Variants in RNF138 observed in about 807,000 individuals in gnomAD.
RNF138 encodes E3 ubiquitin-protein ligase RNF138.
RNF138 carries 12 observed loss-of-function variants against 31.0 expected under a neutral mutation model. The observed-to-expected ratio is 0.39, with a 90% confidence interval of 0.25 to 0.63. The LOEUF is 0.63. RNF138 is among the 20% of genes least tolerant of loss of function. The pLI, the probability that RNF138 is intolerant of heterozygous loss-of-function variation, is 0.52. For missense variants in RNF138, 192 were observed against 300.1 expected (o/e 0.64, Z 2.66); for synonymous variants, 105 against 99.5 (o/e 1.06, Z -0.33).
In RNF138 at chr18:32,129,273, A is replaced by G; in HGVS notation, c.*86A>G. 1 of 831,424 alleles carries G rather than the reference A, an allele frequency of 1.2e-6. No individual in the cohort carries two copies. The highest frequency in any genetic ancestry group is 2.0e-6 in the Non-Finnish European group (1 of 491,888). 51.5% of individuals were successfully genotyped at this position (831,424 alleles called of 1,614,324 possible). A position where few individuals can be genotyped will look rare whatever the true frequency, so the allele number is the denominator to read the frequency against. On this transcript the variant is annotated 3_prime_UTR_variant, in exon 8 of 8. Transcript: ENST00000261593. ...ATGAAGTCACCGTTACAGTAACTTG[A>G]TGTGTATATTAATAAAAGTAATTCA...
At chr18:32,117,130 G>A (rs981115202) in intron 4 of RNF138, among the ~76,000 whole-genome samples, 4 of 151,892 alleles carry the variant, frequency 2.6e-5, no homozygotes, top group Non-Finnish European at 4.4e-5. Flanking sequence ...TCGAACTCCT[G>A]ACCTCAGGTG....
At chr18:32,124,958 A>G (rs1429316085) in intron 6 of RNF138, 113 bp downstream of exon 6, 1 of 621,974 alleles carries the variant, frequency 1.6e-6, no homozygotes, top group Non-Finnish European at 2.9e-6. Flanking sequence ...TTGGGGCATT[A>G]TCAGTAAGGT....
intron 2 of RNF138, among the ~76,000 whole-genome samples, chr18:32,103,800 A>T (rs1242304389): frequency 1.3e-5 from 2 of 151,664 alleles, no homozygotes; most frequent in African/African-American, 4.8e-5. Flanking sequence ...CATCTCTACT[A>T]AAAATACAAA....
intron 4 of RNF138, among the ~76,000 whole-genome samples, chr18:32,116,947 G>T (rs931262197): frequency 7.2e-5 from 11 of 151,912 alleles, no homozygotes; most frequent in African/African-American, 2.7e-4. Context: ...CGTCTCCCAG[G>T]CTGGAGTGCA....
At chr18:32,121,954 C>T (rs926894944) in intron 4 of RNF138, among the ~76,000 whole-genome samples, 3 of 152,022 alleles carry the variant, frequency 2.0e-5, no homozygotes, top group Non-Finnish European at 2.9e-5. Context: ...CTGCAACCTC[C>T]GCCTTCCGGT....
At chr18:32,127,447 C>T (rs2040401461) in intron 7 of RNF138, among the ~76,000 whole-genome samples, 1 of 152,016 alleles carries the variant, frequency 6.6e-6, no homozygotes, top group South Asian at 2.1e-4. Context: ...AAGATTAGTC[C>T]TGACAAAGAA....
intron 2 of RNF138, among the ~76,000 whole-genome samples, chr18:32,111,535 CTT>C (rs1175618075): frequency 2.6e-5 from 4 of 152,132 alleles, no homozygotes; most frequent in African/African-American, 9.7e-5. Flanking sequence ...GTAAAGCAGA[CTT>C]GAGTGTAATT....
intron 4 of RNF138, among the ~76,000 whole-genome samples, chr18:32,117,426 A>G (rs1329925592): frequency 8.5e-5 from 13 of 152,196 alleles, no homozygotes; most frequent in Admixed American, 7.9e-4. Context: ...GAGGAAATAG[A>G]TAACAGAACC....
rs1458688116 is a variant in RNF138, at chr18:32,111,731, A to T, written c.111-23A>T. The T allele has an allele frequency of 3.8e-6, 6 of 1,590,472 alleles. No homozygotes were observed. The Admixed American group carries it at 5.5e-5, about 15-fold the overall frequency. ...AAGAGAGTAATTTTTTTTGTAATTA[A>T]TGTGTCACAATGTTTGGTTTAGTTT... On this transcript the variant is annotated intron_variant, in intron 2 of 7. Coordinates refer to ENST00000261593, the MANE Select transcript of RNF138 (RefSeq NM_016271.5).
chr18:32,094,734 A>AGGGAGGGAGGAGAGCAAGGT (rs1449272118), intron 2 of RNF138, among the ~76,000 whole-genome samples: 1 of 152,190 alleles, frequency 6.6e-6, no homozygotes, highest in African/African-American at 2.4e-5. Context: ...GGTAGATAAA[A>AGGGAGGGAGGAGAGCAAGGT]GGGAGGGAGG....
At position 32,092,764 on chromosome 18, in the gene RNF138, C is replaced by A; in HGVS notation, c.-13C>A. 6.5e-7 allele frequency: 1 copy of A among 1,535,082 alleles called. No homozygotes were observed. Among genetic ancestry groups the A allele is most frequent in the Non-Finnish European group, 8.8e-7 (1 of 1,135,090 alleles). On this transcript the variant is annotated 5_prime_UTR_variant, in exon 2 of 8. Coordinates refer to ENST00000261593, the MANE Select transcript of RNF138 (RefSeq NM_016271.5). ...GCCGCTGTCGCCATCGCCTTGTTTC[C>A]CCATCCCCCGCCATGGCCGAGGACC...
At chr18:32,129,013 T>C in intron 7 of RNF138, 106 bp from the exon 8 acceptor site, 1 of 727,708 alleles carries the variant, frequency 1.4e-6, no homozygotes, top group Non-Finnish European at 2.5e-6. Flanking sequence ...GTGTGTGTAA[T>C]GTGTGTCAAG....
intron 1 of RNF138, 108 bp from the exon 2 acceptor site, chr18:32,092,592 C>G: frequency 3.4e-6 from 2 of 580,940 alleles, no homozygotes; most frequent in South Asian, 4.0e-5. Flanking sequence ...CCGGCGCGTG[C>G]GGCAGTAGCG....
chr18:32,112,024 A>G, intron 3 of RNF138, 105 bp downstream of exon 3: 1 of 1,039,552 alleles, frequency 9.6e-7, no homozygotes, highest in Non-Finnish European at 1.3e-6. Context: ...GAAAAGATGA[A>G]AGGTATTTAG....
intron 2 of RNF138, among the ~76,000 whole-genome samples, chr18:32,094,388 G>T (rs1349538927): frequency 1.3e-5 from 2 of 152,156 alleles, no homozygotes; most frequent in Non-Finnish European, 2.9e-5. Context: ...AGCCAAGAGT[G>T]TGTGGATTTT....
intron 1 of RNF138, 57 bp from the exon 2 acceptor site, chr18:32,092,643 T>G: frequency 3.5e-5 from 22 of 629,172 alleles, no homozygotes; most frequent in East Asian, 1.3e-4. Context: ...CCCCGCCCCC[T>G]TCCTGGCGCG....
chr18:32,110,926 G>A (rs919633030), intron 2 of RNF138, among the ~76,000 whole-genome samples: 5 of 152,070 alleles, frequency 3.3e-5, no homozygotes, highest in South Asian at 4.2e-4. Context: ...AACTACAGGC[G>A]CCTGTCACCA....
At chr18:32,120,898 C>T (rs958263487) in intron 4 of RNF138, among the ~76,000 whole-genome samples, 1 of 152,056 alleles carries the variant, frequency 6.6e-6, no homozygotes, top group African/African-American at 2.4e-5. Context: ...AATCCCTGTA[C>T]TTTGGGAGGC....
intron 2 of RNF138, among the ~76,000 whole-genome samples, chr18:32,093,926 G>A (rs1311757421): frequency 6.6e-6 from 1 of 152,126 alleles, no homozygotes; most frequent in Non-Finnish European, 1.5e-5. Flanking sequence ...TGTTCGGGCA[G>A]GTGGGGCCTG....
Sources: gnomAD v4.1 joint callset for allele counts (sites outside exome capture counted in the v4.1 genomes callset) on GRCh38, gnomAD v4.1.1 for gene constraint, MANE v1.5 for transcripts, NCBI Gene and HGNC (gene_info 2026-07-23, HGNC 2026-07-21) for gene names.